SIK3: variants seen among roughly 807,000 people sequenced by gnomAD.
The protein encoded by SIK3 is serine/threonine-protein kinase SIK3.
In SIK3, 28 loss-of-function variants were observed where a neutral mutation model predicts 144.2. The observed-to-expected ratio is 0.19, with a 90% CI of 0.14 to 0.27. The LOEUF is 0.27. Ranked by LOEUF, SIK3 falls within the 10% of genes least tolerant of loss-of-function variation. The probability of loss-of-function intolerance (pLI) is 1.00; values close to 1 mark genes in which losing one functional copy is unlikely to be tolerated. For missense variants in SIK3, 1,319 were observed against 1,776.0 expected, an observed-to-expected ratio of 0.74 and a Z score of 4.62; for synonymous variants, 686 against 676.3, an observed-to-expected ratio of 1.01 and a Z score of -0.22.
At position 116,846,516 on chromosome 11, in the gene SIK3, G is replaced by C. The variant is rs757371823; in HGVS notation, c.3990C>G (p.Asp1330Glu). 1 of 1,614,044 alleles carries C rather than the reference G, an allele frequency of 6.2e-7. No individual in the cohort carries two copies. Among genetic ancestry groups the C allele is most frequent in the South Asian group, 1.1e-5 (1 of 91,078 alleles). ...GASLGGHEHPDLSDGSQHLNS... is the reference protein window; with the variant it reads ...GASLGGHEHPELSDGSQHLNS... ...TTAAATGCTGGCTGCCATCACTCAG[G>C]TCTGGGTGCTCATGACCTCCCAGGC... The change falls in exon 24 of 25, where the codon GAC becomes GAG. Residue 1330 changes from aspartate to glutamate, a missense_variant. By Grantham distance (45) the Asp-to-Glu change is conservative. This residue lies in a region of SIK3 where 646 missense variants were observed against 763.7 expected (regional missense o/e 0.85). Coordinates refer to ENST00000445177, the MANE Select transcript of SIK3 (RefSeq NM_001366686.3). The surrounding 1 kb of genome is among the most constrained non-coding windows in gnomAD (Gnocchi z 4.1).
chr11:116,989,589 G>GTT (rs771649099), intron 1 of SIK3, among the ~76,000 whole-genome samples: 3 of 147,188 alleles, frequency 2.0e-5, no homozygotes, highest in Non-Finnish European at 1.5e-5. Context: ...GGCAACCCAA[G>GTT]TTTTTTTTTT....
At chr11:117,021,152 G>A (rs180832864) in intron 1 of SIK3, among the ~76,000 whole-genome samples, 1 of 152,362 alleles carries the variant, frequency 6.6e-6, no homozygotes, top group East Asian at 1.9e-4. Flanking sequence ...ATTTTGTGTT[G>A]AGAGTACAGG....
chr11:116,999,558 CTT>C (rs950030321), intron 1 of SIK3, among the ~76,000 whole-genome samples: 1 of 151,986 alleles, frequency 6.6e-6, no homozygotes, highest in Non-Finnish European at 1.5e-5. Flanking sequence ...ATTTTCATCT[CTT>C]TGTTTTTTGT....
intron 1 of SIK3, among the ~76,000 whole-genome samples, chr11:117,040,449 C>T (rs150153138): frequency 3.9e-4 from 59 of 152,228 alleles, no homozygotes; most frequent in Middle Eastern, 3.4e-3. Flanking sequence ...CATGCTATTC[C>T]CTCTCTTCTG....
At chr11:116,856,700 C>G (rs767708895) in intron 21 of SIK3, among the ~76,000 whole-genome samples, 1 of 152,200 alleles carries the variant, frequency 6.6e-6, no homozygotes, top group Non-Finnish European at 1.5e-5. Flanking sequence ...TTTCAGGCAA[C>G]AATTCCCCCC....
At chr11:116,848,978 A>G in intron 22 of SIK3, 142 bp downstream of exon 22, 1 of 989,020 alleles carries the variant, frequency 1.0e-6, no homozygotes, top group South Asian at 2.5e-5. Context: ...AGAAAAAAAA[A>G]GAAATGCTCC....
intron 1 of SIK3, among the ~76,000 whole-genome samples, chr11:117,071,496 A>T (rs1388861052): frequency 6.6e-6 from 1 of 152,032 alleles, no homozygotes; most frequent in African/African-American, 2.4e-5. Flanking sequence ...CTTACCAACG[A>T]ATCCCAATGT....
Position 116,957,075 on chromosome 11 carries a change from A to AG in SIK3, c.274-12dup. On this transcript the variant is annotated splice_polypyrimidine_tract_variant and intron_variant, in intron 1 of 24. Coordinates refer to ENST00000445177, the MANE Select transcript of SIK3 (RefSeq NM_001366686.3). ...GATCTTGATAGCAACCTGACAACAGAGGGAAAAAAATTACTCTGATGCATT... is the reference window on the plus strand; with the variant it reads ...GATCTTGATAGCAACCTGACAACAGAGGGGAAAAAAATTACTCTGATGCATT... 2.0e-6 allele frequency: 3 copies of AG among 1,535,492 alleles called. No homozygotes were observed. The highest frequency in any genetic ancestry group is 2.6e-6 in the Non-Finnish European group (3 of 1,134,086).
chr11:116,919,651 T>C (rs934731328), intron 4 of SIK3, among the ~76,000 whole-genome samples: 7 of 152,240 alleles, frequency 4.6e-5, no homozygotes, highest in South Asian at 2.1e-4. Flanking sequence ...CAATCTATTT[T>C]AAATATAGAC....
At chr11:116,926,266 G>A (rs531181676) in intron 4 of SIK3, among the ~76,000 whole-genome samples, 1 of 152,220 alleles carries the variant, frequency 6.6e-6, no homozygotes, top group South Asian at 2.1e-4. Context: ...AACATAAATG[G>A]CTTATTTTCA....
chr11:116,947,569 A>ATTTT (rs1555107834), intron 3 of SIK3, among the ~76,000 whole-genome samples: 2 of 109,446 alleles, frequency 1.8e-5, no homozygotes, highest in Non-Finnish European at 3.7e-5. Flanking sequence ...GTATGTATGT[A>ATTTT]TTTTTTTTTT....
At chr11:117,036,814 A>G (rs1482590878) in intron 1 of SIK3, among the ~76,000 whole-genome samples, 4 of 152,224 alleles carry the variant, frequency 2.6e-5, no homozygotes, top group African/African-American at 9.6e-5. Flanking sequence ...AAAAATACGC[A>G]GATTCTTTTT....
chr11:116,943,211 T>TA (rs1238851903), intron 3 of SIK3, among the ~76,000 whole-genome samples: 1 of 151,750 alleles, frequency 6.6e-6, no homozygotes, highest in Non-Finnish European at 1.5e-5. Flanking sequence ...AAAAGTGCTA[T>TA]AGGAGAGGTA....
intron 15 of SIK3, among the ~76,000 whole-genome samples, chr11:116,866,712 T>C (rs549361256): frequency 2.4e-4 from 37 of 152,134 alleles, no homozygotes; most frequent in Non-Finnish European, 4.7e-4. Context: ...AGTGCTGGGA[T>C]TGCAGGCGTG....
chr11:116,962,957 C>G (rs941374930), intron 1 of SIK3, among the ~76,000 whole-genome samples: 1 of 152,106 alleles, frequency 6.6e-6, no homozygotes, highest in African/African-American at 2.4e-5. Context: ...TTGGACGGCA[C>G]TGATCCACAT....
chr11:117,075,781 G>C (rs1954489720), intron 1 of SIK3, among the ~76,000 whole-genome samples: 1 of 141,454 alleles, frequency 7.1e-6, no homozygotes, highest in South Asian at 2.3e-4. Flanking sequence ...CTGACCTTAT[G>C]ATCTGCCCAC....
At chr11:116,995,852 T>C (rs1003334515) in intron 1 of SIK3, among the ~76,000 whole-genome samples, 1 of 152,150 alleles carries the variant, frequency 6.6e-6, no homozygotes, top group African/African-American at 2.4e-5. Flanking sequence ...ATTTTCAACA[T>C]CTAAAATAAG....
At chr11:117,053,600 T>G (rs1377306145) in intron 1 of SIK3, among the ~76,000 whole-genome samples, 3 of 152,134 alleles carry the variant, frequency 2.0e-5, no homozygotes, top group Non-Finnish European at 2.9e-5. Flanking sequence ...AAAGGCAGTC[T>G]GGCTCCAAAC....
intron 6 of SIK3, among the ~76,000 whole-genome samples, chr11:116,878,311 A>C (rs1211104526): frequency 3.3e-5 from 5 of 151,870 alleles, no homozygotes; most frequent in African/African-American, 1.2e-4. Context: ...TAACTCTCCA[A>C]TCTCTTCCCA....
Sources: allele counts gnomAD v4.1 joint callset (sites outside exome capture counted in the v4.1 genomes callset), GRCh38; gene constraint gnomAD v4.1.1; regional missense constraint gnomAD v4.1.1; non-coding constraint Gnocchi (gnomAD v3.1); transcripts MANE v1.5; gene names NCBI Gene and HGNC (gene_info 2026-07-23, HGNC 2026-07-21).